VPS35L: variants seen among roughly 807,000 people sequenced by gnomAD.
The protein encoded by VPS35L is VPS35 endosomal protein sorting factor like.
In VPS35L, 83 loss-of-function variants were observed where a neutral mutation model predicts 133.0. That is an observed-to-expected ratio of 0.62 (90% CI 0.52 to 0.75). The LOEUF (loss-of-function observed/expected upper bound fraction) is 0.75. Among genes scored for constraint, VPS35L ranks in the 30% least tolerant of loss-of-function variants. VPS35L has a pLI of 0.00. For missense variants in VPS35L, 1,083 were observed against 1,206.8 expected (o/e 0.90, Z 1.52); for synonymous variants, 423 against 449.9 (o/e 0.94, Z 0.76).
At chr16:19,599,765 G>T (rs753991779) in intron 8 of VPS35L, among the ~76,000 whole-genome samples, 1 of 152,278 alleles carries the variant, frequency 6.6e-6, no homozygotes, top group Non-Finnish European at 1.5e-5. Flanking sequence ...CCAAGGCCAG[G>T]TGTGGTGGCT....
chr16:19,632,996 GAT>G, intron 18 of VPS35L, 94 bp from the exon 19 acceptor site: 1 of 869,600 alleles, frequency 1.1e-6, no homozygotes, highest in Non-Finnish European at 1.9e-6. Flanking sequence ...GAAGGTGTGT[GAT>G]ATATTCTGAA....
intron 26 of VPS35L, among the ~76,000 whole-genome samples, chr16:19,660,048 G>A (rs1002217417): frequency 5.9e-5 from 9 of 152,016 alleles, no homozygotes; most frequent in African/African-American, 1.9e-4. Context: ...ATTTTTGGCC[G>A]GGCACGGTGG....
At chr16:19,673,932 A>G (rs936583758) in intron 27 of VPS35L, among the ~76,000 whole-genome samples, 2 of 152,190 alleles carry the variant, frequency 1.3e-5, no homozygotes, top group Non-Finnish European at 2.9e-5. Flanking sequence ...TGAAGCCGGA[A>G]ACGTTTGCAG....
At chr16:19,693,550 G>A (rs1567494997) in intron 29 of VPS35L, among the ~76,000 whole-genome samples, 2 of 152,266 alleles carry the variant, frequency 1.3e-5, no homozygotes, top group East Asian at 1.9e-4. Flanking sequence ...GGAGGCTGAG[G>A]TGGGCGGATC....
At chr16:19,681,778 G>A (rs983762160) in intron 27 of VPS35L, among the ~76,000 whole-genome samples, 1 of 152,168 alleles carries the variant, frequency 6.6e-6, no homozygotes, top group East Asian at 1.9e-4. Context: ...TGCCTCGAGT[G>A]GTGGCAGGGA....
chr16:19,593,357 C>T (rs1001176465), intron 8 of VPS35L, among the ~76,000 whole-genome samples: 7 of 152,144 alleles, frequency 4.6e-5, no homozygotes, highest in Non-Finnish European at 8.8e-5. Context: ...CTAATGGGCT[C>T]CCAACCCAGC....
At chr16:19,560,277 G>C (rs541296416) in intron 1 of VPS35L, among the ~76,000 whole-genome samples, 71 of 152,278 alleles carry the variant, frequency 4.7e-4, no homozygotes, top group African/African-American at 1.6e-3. Context: ...GGCTGGCCCA[G>C]AGCCTGGTAT....
intron 16 of VPS35L, among the ~76,000 whole-genome samples, 153 bp from the exon 17 acceptor site, chr16:19,628,484 C>T (rs938205718): frequency 2.0e-5 from 3 of 152,160 alleles, no homozygotes; most frequent in African/African-American, 7.2e-5. Context: ...GTAGCTGGGG[C>T]AGATATGTGT....
At chr16:19,691,310 C>T (rs199740087) in intron 28 of VPS35L, 43 bp from the exon 29 acceptor site, 204 of 1,529,546 alleles carry the variant, frequency 1.3e-4, no homozygotes, top group Non-Finnish European at 1.7e-4. Flanking sequence ...CCAGCATGGC[C>T]GCGGGGCTTG....
chr16:19,657,712 A>G (rs1276674276), intron 26 of VPS35L, among the ~76,000 whole-genome samples: 2 of 152,210 alleles, frequency 1.3e-5, no homozygotes, highest in Non-Finnish European at 2.9e-5. Flanking sequence ...GGAAATAGCC[A>G]GGGCCATGAT....
At chr16:19,562,159 T>TAG (rs1281805237) in intron 1 of VPS35L, among the ~76,000 whole-genome samples, 3 of 152,248 alleles carry the variant, frequency 2.0e-5, no homozygotes, top group Non-Finnish European at 4.4e-5. Context: ...ACAGGCTTTA[T>TAG]TCCGGGGGGC....
At chr16:19,626,320 A>T in intron 15 of VPS35L, 97 bp downstream of exon 15, 1 of 909,832 alleles carries the variant, frequency 1.1e-6, no homozygotes, top group Non-Finnish European at 1.8e-6. Flanking sequence ...CTGAAGAGAG[A>T]GAGGCAGGAC....
rs537224280 is a variant in VPS35L at position 19,578,921 on chromosome 16, G to T, written c.434-131G>T. 631 of 791,112 alleles carry T rather than the reference G, an allele frequency of 8.0e-4. 2 individuals carry two copies. The highest frequency in any genetic ancestry group is 2.8e-3 in the South Asian group (184 of 65,118). The allele number at this position is 791,112 out of a possible 1,614,324, so 49.0% of individuals were successfully genotyped here. A position where few individuals can be genotyped will look rare whatever the true frequency, so the allele number is the denominator to read the frequency against. ...TAAGGAAGTTGCTTTGAAAATCTGG[G>T]ATAGTTTTCTATAATGGAATCATTC... is the stretch of plus-strand genomic sequence containing the variant. On this transcript the variant is annotated intron_variant, in intron 5 of 30. Coordinates refer to ENST00000417362, the MANE Select transcript of VPS35L (RefSeq NM_020314.7).
intron 15 of VPS35L, among the ~76,000 whole-genome samples, 156 bp downstream of exon 15, chr16:19,626,379 T>C (rs1259529641): frequency 6.6e-6 from 1 of 152,184 alleles, no homozygotes; most frequent in Non-Finnish European, 1.5e-5. Context: ...CCTCAGACCT[T>C]GGCTCTGTTC....
At chr16:19,593,878 C>T (rs1972118507) in intron 8 of VPS35L, among the ~76,000 whole-genome samples, 1 of 150,056 alleles carries the variant, frequency 6.7e-6, no homozygotes, top group Non-Finnish European at 1.5e-5. Flanking sequence ...GATCACGCCA[C>T]TGCACTCCAG....
intron 8 of VPS35L, 83 bp from the exon 9 acceptor site, chr16:19,601,581 C>G: frequency 7.2e-7 from 1 of 1,387,846 alleles, no homozygotes; most frequent in South Asian, 1.2e-5. Flanking sequence ...GATGATAGCT[C>G]TGGGTCCCTA....
intron 23 of VPS35L, among the ~76,000 whole-genome samples, chr16:19,646,021 C>T (rs1417856519): frequency 6.6e-6 from 1 of 151,980 alleles, no homozygotes. Flanking sequence ...TTCAAACAAT[C>T]CTCCAGCCTT....
intron 14 of VPS35L, among the ~76,000 whole-genome samples, chr16:19,620,244 T>TA (rs1408697380): frequency 1.3e-5 from 2 of 152,164 alleles, no homozygotes; most frequent in African/African-American, 4.8e-5. Flanking sequence ...GAGATCACCT[T>TA]AAAAAATCCA....
At chr16:19,637,408 C>T (rs148702817) in intron 19 of VPS35L, among the ~76,000 whole-genome samples, 186 bp from the exon 20 acceptor site, 519 of 152,180 alleles carry the variant, frequency 3.4e-3, no homozygotes, top group African/African-American at 0.012. Flanking sequence ...ACAGAGCCTA[C>T]CCTAAGCCCA....
Sources: allele counts gnomAD v4.1 joint callset (sites outside exome capture counted in the v4.1 genomes callset), GRCh38; gene constraint gnomAD v4.1.1; transcripts MANE v1.5; gene names NCBI Gene and HGNC (gene_info 2026-07-23, HGNC 2026-07-21).